Variants in PPARGC1B observed in about 807,000 individuals in gnomAD.
The protein encoded by PPARGC1B is PPARG coactivator 1 beta, also known as peroxisome proliferator-activated receptor gamma coactivator 1-beta.
In PPARGC1B, 34 loss-of-function variants were observed where a neutral mutation model predicts 101.6. That is an observed-to-expected ratio of 0.33 (90% CI 0.25 to 0.45). The LOEUF (loss-of-function observed/expected upper bound fraction) is 0.45. PPARGC1B is among the 20% of genes least tolerant of loss of function. PPARGC1B has a pLI of 1.00. For missense variants in PPARGC1B, 1,234 were observed against 1,317.6 expected, an observed-to-expected ratio of 0.94 and a Z score of 0.98; for synonymous variants, 548 against 539.3, an observed-to-expected ratio of 1.02 and a Z score of -0.22.
rs1054120528 is a variant in PPARGC1B, at chr5:149,826,921, G to A, written c.465+36G>A. 2.0e-6 allele frequency: 3 copies of A among 1,508,348 alleles called. No individual in the cohort carries two copies. In the African/African-American group the frequency reaches 4.1e-5, roughly 21 times the overall value. The allele number at this position is 1,508,348 out of a possible 1,614,324, so 93.4% of individuals were successfully genotyped here. ...ACTTACAGCAGAAGTGATGGTTGCA[G>A]CCTGGGATTAGGTTTCTGGTTCAGG... On this transcript the variant is annotated intron_variant, in intron 3 of 11. Coordinates refer to ENST00000309241, the MANE Select transcript of PPARGC1B (RefSeq NM_133263.4).
chr5:149,753,988 C>T (rs1755415635), intron 1 of PPARGC1B, among the ~76,000 whole-genome samples: 1 of 152,256 alleles, frequency 6.6e-6, no homozygotes, highest in African/African-American at 2.4e-5. Flanking sequence ...GCCACCGCAC[C>T]TGGCCGGTGT....
At chr5:149,756,865 G>A (rs1009797459) in intron 1 of PPARGC1B, among the ~76,000 whole-genome samples, 21 of 149,576 alleles carry the variant, frequency 1.4e-4, no homozygotes, top group Non-Finnish European at 2.9e-4. Context: ...CTGTCCACCT[G>A]AGATGGGATC....
intron 1 of PPARGC1B, among the ~76,000 whole-genome samples, chr5:149,756,178 T>G (rs1755514129): frequency 6.6e-6 from 1 of 152,190 alleles, no homozygotes; most frequent in South Asian, 2.1e-4. Flanking sequence ...TTAAAAATTC[T>G]TGACAGGGTG....
chr5:149,814,880 G>C (rs1161309423), intron 1 of PPARGC1B, among the ~76,000 whole-genome samples: 3 of 152,202 alleles, frequency 2.0e-5, no homozygotes, highest in Non-Finnish European at 4.4e-5. Context: ...CCCACGGCAG[G>C]GGGTGAGCAG....
chr5:149,783,307 A>G (rs1756662677), intron 1 of PPARGC1B, among the ~76,000 whole-genome samples: 1 of 152,214 alleles, frequency 6.6e-6, no homozygotes, highest in African/African-American at 2.4e-5. Context: ...AGAGTAGCAT[A>G]TCAGAGTAAA....
intron 10 of PPARGC1B, among the ~76,000 whole-genome samples, chr5:149,844,908 G>T (rs539704250): frequency 3.8e-4 from 58 of 152,312 alleles, no homozygotes; most frequent in African/African-American, 1.3e-3. Flanking sequence ...TTTTCTCCTG[G>T]TTGCAGAGTG....
At chr5:149,765,732 G>T (rs1755885317) in intron 1 of PPARGC1B, among the ~76,000 whole-genome samples, 2 of 152,028 alleles carry the variant, frequency 1.3e-5, no homozygotes, top group African/African-American at 4.8e-5. Context: ...GTGGTGGCGG[G>T]TGCCTGTAGT....
Position 149,837,131 on chromosome 5 carries a change from G to C in PPARGC1B, c.2618+58G>C. ...GCAGTGGAGGATCCCAGTTCCCGGG[G>C]AGCCAGGAGCCCCAGGAGGGAGGAT... On this transcript the variant is annotated intron_variant, in intron 8 of 11. Transcript: ENST00000309241. The surrounding 1 kb of genome is among the most constrained non-coding windows in gnomAD (Gnocchi z 4.2). 6.5e-7 allele frequency: 1 copy of C among 1,531,854 alleles called. No homozygotes were observed. Among genetic ancestry groups the C allele is most frequent in the South Asian group, 1.3e-5 (1 of 78,004 alleles). 94.9% of individuals were successfully genotyped at this position (1,531,854 alleles called of 1,614,324 possible). A position where few individuals can be genotyped will look rare whatever the true frequency, so the allele number is the denominator to read the frequency against.
intron 1 of PPARGC1B, among the ~76,000 whole-genome samples, chr5:149,818,011 G>C (rs576830202): frequency 6.6e-6 from 1 of 152,300 alleles, no homozygotes; most frequent in Non-Finnish European, 1.5e-5. Context: ...CAGTCTGCTT[G>C]GGCACGAAGG....
chr5:149,841,418 G>A (rs1333364040), intron 9 of PPARGC1B, among the ~76,000 whole-genome samples: 2 of 152,136 alleles, frequency 1.3e-5, no homozygotes, highest in Non-Finnish European at 2.9e-5. Flanking sequence ...GACTGTTGAC[G>A]ACGGAGTCCT....
intron 1 of PPARGC1B, among the ~76,000 whole-genome samples, chr5:149,745,347 T>A (rs1280925856): frequency 6.6e-6 from 1 of 152,180 alleles, no homozygotes; most frequent in Non-Finnish European, 1.5e-5. Context: ...TGAGTGCACA[T>A]CAGAATCAAC....
intron 1 of PPARGC1B, among the ~76,000 whole-genome samples, chr5:149,731,047 G>A (rs986879337): frequency 6.6e-6 from 1 of 152,234 alleles, no homozygotes; most frequent in Admixed American, 6.5e-5. Context: ...GCCCCCTGGG[G>A]GGAAAAGCCA....
chr5:149,820,977 A>G (rs1318686958), intron 2 of PPARGC1B, among the ~76,000 whole-genome samples: 4 of 152,134 alleles, frequency 2.6e-5, no homozygotes, highest in Admixed American at 6.5e-5. Flanking sequence ...CATTTTACAG[A>G]TAAGGAAAAT....
intron 1 of PPARGC1B, among the ~76,000 whole-genome samples, chr5:149,732,637 G>A (rs914915192): frequency 1.3e-5 from 2 of 152,200 alleles, no homozygotes; most frequent in African/African-American, 2.4e-5. Context: ...GATCTTTGCC[G>A]GCCCAACTTG....
Position 149,833,746 on chromosome 5 carries a change from A to G in PPARGC1B, c.1673A>G (p.Glu558Gly). Residue 558 changes from glutamate (E) to glycine (G), a missense_variant, in exon 5 of 12, where the codon GAG (glutamate) becomes GGG (glycine). By Grantham distance (98) the Glu-to-Gly change is moderately conservative (BLOSUM62 -2). This residue lies in a region of PPARGC1B where 734 missense variants were observed against 768.4 expected (regional missense o/e 0.96). Transcript: ENST00000309241. The surrounding 1 kb of genome is among the most constrained non-coding windows in gnomAD (Gnocchi z 4.1). The stretch of plus-strand genomic sequence containing the variant: ...GAGAGTGGGTGTGGGGACATGGATG[A>G]GGACCCCAGCTGCCCGCAGCTCCCT... ...PCESGCGDMD[E>G]DPSCPQLPPR... 1 of 1,565,214 alleles carries G rather than the reference A, an allele frequency of 6.4e-7. No homozygotes were observed. Among genetic ancestry groups the G allele is most frequent in the Non-Finnish European group, 8.6e-7 (1 of 1,160,012 alleles).
Position 149,791,687 on chromosome 5 carries a change from C to G in PPARGC1B, c.79-28746C>G, listed in dbSNP as rs183207050. On this transcript the variant is annotated intron_variant, in intron 1 of 11. Coordinates refer to ENST00000309241, the MANE Select transcript of PPARGC1B (RefSeq NM_133263.4). ...GAGGGAATTTTTTTGCTGTAGGACT[C>G]CTTGTCTTCCCTCTGCAAATAGTCT... Among the ~76,000 whole-genome samples the G allele has an allele frequency of 5.1e-4, 77 of 152,190 alleles. No individual in the cohort carries two copies. The East Asian group carries it at 0.013, about 26-fold the overall frequency.
At chr5:149,794,174 T>C (rs1757121295) in intron 1 of PPARGC1B, among the ~76,000 whole-genome samples, 1 of 152,184 alleles carries the variant, frequency 6.6e-6, no homozygotes, top group Admixed American at 6.5e-5. Flanking sequence ...AAAATTCAGC[T>C]TCTGTTAGAG....
intron 1 of PPARGC1B, among the ~76,000 whole-genome samples, chr5:149,809,130 GATAGATAGA>G (rs1757710752): frequency 7.6e-6 from 1 of 131,512 alleles, no homozygotes; most frequent in African/African-American, 3.0e-5. Flanking sequence ...TAGATAGATA[GATAGATAGA>G]TAGATAGATA....
intron 1 of PPARGC1B, among the ~76,000 whole-genome samples, chr5:149,772,644 T>TA (rs1253666769): frequency 2.6e-5 from 4 of 152,128 alleles, no homozygotes; most frequent in Admixed American, 1.3e-4. Context: ...GATCTCCTCT[T>TA]ATAAGGGCAC....
Sources: gnomAD v4.1 joint callset for allele counts (sites outside exome capture counted in the v4.1 genomes callset) on GRCh38, gnomAD v4.1.1 for gene constraint, gnomAD v4.1.1 regional missense constraint, Gnocchi (gnomAD v3.1) non-coding constraint, MANE v1.5 for transcripts, NCBI Gene and HGNC (gene_info 2026-07-23, HGNC 2026-07-21) for gene names.